Variants in BTBD9 observed in about 807,000 individuals in gnomAD.
BTBD9 encodes the protein BTB/POZ domain-containing protein 9.
BTBD9 carries 49 observed loss-of-function variants against 64.3 expected under a neutral mutation model. The observed-to-expected ratio is 0.76, with a 90% CI of 0.61 to 0.97. The LOEUF (loss-of-function observed/expected upper bound fraction) is 0.97. BTBD9 is among the 50% of genes least tolerant of loss of function. BTBD9 has a pLI of 0.00. For synonymous variants in BTBD9, 260 were observed against 274.7 expected, an observed-to-expected ratio of 0.95 and a Z score of 0.53; for missense variants, 598 against 762.1, an observed-to-expected ratio of 0.78 and a Z score of 2.53.
intron 9 of BTBD9, among the ~76,000 whole-genome samples, chr6:38,217,685 TTTTTTTC>T (rs1376729306): frequency 1.0e-4 from 15 of 145,254 alleles, no homozygotes; most frequent in African/African-American, 3.2e-4. Flanking sequence ...AACATTATTA[TTTTTTTC>T]TTTTTTCTTT....
intron 9 of BTBD9, among the ~76,000 whole-genome samples, chr6:38,200,942 T>C (rs1438156311): frequency 6.6e-6 from 1 of 151,852 alleles, no homozygotes; most frequent in Non-Finnish European, 1.5e-5. Context: ...ACTGCTTGAG[T>C]CTGGGAGTTT....
At chr6:38,259,816 T>C (rs11967006) in intron 8 of BTBD9, among the ~76,000 whole-genome samples, 18,432 of 152,240 alleles carry the variant, frequency 0.12, 1,202 homozygotes, top group Non-Finnish European at 0.15. Context: ...AAAGCATTAG[T>C]AGATGATACC....
intron 10 of BTBD9, among the ~76,000 whole-genome samples, chr6:38,178,300 CAGGT>C (rs1175127243): frequency 2.0e-5 from 3 of 151,958 alleles, no homozygotes; most frequent in African/African-American, 7.3e-5. Context: ...CTACAGGTGA[CAGGT>C]GGGGAGGGAA....
chr6:38,615,017 G>C (rs1289794736), intron 1 of BTBD9, among the ~76,000 whole-genome samples: 1 of 152,182 alleles, frequency 6.6e-6, no homozygotes, highest in Non-Finnish European at 1.5e-5. Flanking sequence ...GGGCCTTCAA[G>C]GCCTGTGGAA....
chr6:38,302,493 A>G (rs1388727586), intron 7 of BTBD9, among the ~76,000 whole-genome samples: 484 of 34,834 alleles, frequency 0.014, 11 homozygotes, highest in African/African-American at 0.039. Context: ...ATGTATATAT[A>G]TATATATATA....
intron 6 of BTBD9, among the ~76,000 whole-genome samples, chr6:38,505,964 C>CAACAAAAAAAAAAAAAAAAAAAAAA (rs1175511241): frequency 3.6e-5 from 3 of 82,628 alleles, no homozygotes; most frequent in African/African-American, 1.2e-4. Context: ...TCCGTCTCAA[C>CAACAAAAAAAAAAAAAAAAAAAAAA]AAAAAAAAAA....
intron 8 of BTBD9, among the ~76,000 whole-genome samples, chr6:38,256,855 A>G (rs1270709764): frequency 6.6e-6 from 1 of 152,102 alleles, no homozygotes; most frequent in Non-Finnish European, 1.5e-5. Flanking sequence ...ACCACTGCTC[A>G]TGGGAGAAAC....
chr6:38,477,938 G>A (rs781420282), intron 6 of BTBD9, among the ~76,000 whole-genome samples: 2 of 152,184 alleles, frequency 1.3e-5, no homozygotes, highest in African/African-American at 4.8e-5. Flanking sequence ...AGGTGAACCC[G>A]TTTTTGAAAT....
At chr6:38,374,307 G>GTATATATATATATATATATGTA (rs1562095564) in intron 6 of BTBD9, among the ~76,000 whole-genome samples, 1 of 59,092 alleles carries the variant, frequency 1.7e-5, no homozygotes, top group African/African-American at 7.9e-5. Flanking sequence ...GTATATATAT[G>GTATATATATATATATATATGTA]TATATATATA....
chr6:38,200,951 T>G (rs1427223213), intron 9 of BTBD9, among the ~76,000 whole-genome samples: 1 of 152,008 alleles, frequency 6.6e-6, no homozygotes, highest in African/African-American at 2.4e-5. Context: ...GTCTGGGAGT[T>G]TGCGATTGCA....
At chr6:38,204,725 G>A (rs891652016) in intron 9 of BTBD9, among the ~76,000 whole-genome samples, 1 of 151,970 alleles carries the variant, frequency 6.6e-6, no homozygotes, top group Non-Finnish European at 1.5e-5. Context: ...CAATAAAGCT[G>A]TTTAAAATGT....
chr6:38,325,502 G>A (rs927234821), intron 7 of BTBD9, among the ~76,000 whole-genome samples: 5 of 152,182 alleles, frequency 3.3e-5, no homozygotes, highest in African/African-American at 1.2e-4. Context: ...TGGCTAACAT[G>A]GTGAAACCCT....
intron 6 of BTBD9, among the ~76,000 whole-genome samples, chr6:38,574,390 A>T (rs1003440093): frequency 6.6e-6 from 1 of 152,128 alleles, no homozygotes; most frequent in African/African-American, 2.4e-5. Context: ...TTAAGATAAA[A>T]CTGTTTAAGG....
At chr6:38,427,545 A>G (rs1473247345) in intron 6 of BTBD9, among the ~76,000 whole-genome samples, 1 of 151,924 alleles carries the variant, frequency 6.6e-6, no homozygotes, top group East Asian at 1.9e-4. Context: ...CTAGAAAGGA[A>G]AAGAGGAAAT....
At chr6:38,262,449 T>C (rs1382151363) in intron 8 of BTBD9, among the ~76,000 whole-genome samples, 2 of 151,780 alleles carry the variant, frequency 1.3e-5, no homozygotes, top group African/African-American at 2.4e-5. Context: ...GCAGTTTCCC[T>C]AAAAGCAGTG....
chr6:38,628,416 C>G (rs1201739205), intron 1 of BTBD9, among the ~76,000 whole-genome samples: 1 of 152,130 alleles, frequency 6.6e-6, no homozygotes, highest in Non-Finnish European at 1.5e-5. Flanking sequence ...GTTTCTTTTT[C>G]ACAAAGGTAT....
intron 6 of BTBD9, among the ~76,000 whole-genome samples, chr6:38,396,584 T>C (rs1766685028): frequency 6.6e-6 from 1 of 152,220 alleles, no homozygotes; most frequent in Non-Finnish European, 1.5e-5. Flanking sequence ...CCTTTACCCT[T>C]GCCACTTTGG....
Position 38,592,839 on chromosome 6 carries a change from G to A in BTBD9, c.551C>T (p.Thr184Ile). Residue 184 changes from threonine to isoleucine, a missense_variant and splice_region_variant, in exon 4 of 11, where the codon ACA becomes ATA. By Grantham distance (89) the Thr-to-Ile change is moderately conservative. Coordinates refer to ENST00000481247, the MANE Select transcript of BTBD9 (RefSeq NM_001099272.2). ...TCTTAACACGATGTTTAAAAGTGCT[G>A]TCTGAAAAGGATAAAAAGGTAAAAT... ...SSEGFLSLSKTALLNIVLRDS... is the reference protein window; with the variant it reads ...SSEGFLSLSKIALLNIVLRDS... 1 of 1,613,408 alleles carries A rather than the reference G, an allele frequency of 6.2e-7. No individual in the cohort carries two copies. Among genetic ancestry groups the A allele is most frequent in the Non-Finnish European group, 8.5e-7 (1 of 1,179,474 alleles).
intron 6 of BTBD9, among the ~76,000 whole-genome samples, chr6:38,457,983 A>G (rs1303330351): frequency 2.0e-5 from 3 of 152,186 alleles, no homozygotes; most frequent in South Asian, 4.1e-4. Context: ...ATCATCATGT[A>G]TGTGGCGTAT....
Sources: allele counts gnomAD v4.1 joint callset (sites outside exome capture counted in the v4.1 genomes callset), GRCh38; gene constraint gnomAD v4.1.1; transcripts MANE v1.5; gene names NCBI Gene and HGNC (gene_info 2026-07-23, HGNC 2026-07-21).